Variants in TSPOAP1 observed in about 807,000 individuals in gnomAD.
TSPOAP1 encodes the protein peripheral-type benzodiazepine receptor-associated protein 1.
Under a neutral mutation model 197.0 loss-of-function variants are expected in TSPOAP1, and 87 were observed. That is an observed-to-expected ratio of 0.44 (90% confidence interval 0.37 to 0.53). The LOEUF (loss-of-function observed/expected upper bound fraction) is 0.53, where lower values mean the gene tolerates loss of function less well. Ranked by LOEUF, TSPOAP1 falls within the 20% of genes least tolerant of loss-of-function variation. The pLI, the probability that TSPOAP1 is intolerant of heterozygous loss-of-function variation, is 0.00. For synonymous variants in TSPOAP1, 913 were observed against 998.9 expected, an observed-to-expected ratio of 0.91 and a Z score of 1.62; for missense variants, 2,174 against 2,411.3, an observed-to-expected ratio of 0.90 and a Z score of 2.06.
At position 58,306,350 on chromosome 17, in the gene TSPOAP1, G is replaced by A. The variant is rs965629389; in HGVS notation, c.5216C>T (p.Ser1739Phe). ...TTGPPPKPRR[S>F]KKAESEGPAQ... Reference sequence around the variant, plus strand: ...AATGGGGTCTTACCCACCTTTCTTGGAGCGGCGGGGCTTGGGAGGAGGCCC... The same window carrying A: ...AATGGGGTCTTACCCACCTTTCTTGAAGCGGCGGGGCTTGGGAGGAGGCCC... The change falls in exon 26 of 32, where the codon TCC becomes TTC. Residue 1739 changes from serine (S) to phenylalanine (F), a missense_variant. By Grantham distance (155) the Ser-to-Phe change is radical. Coordinates refer to ENST00000343736, the MANE Select transcript of TSPOAP1 (RefSeq NM_004758.4). 4 of 1,553,804 alleles carry A rather than the reference G, an allele frequency of 2.6e-6. No individual in the cohort carries two copies. Among genetic ancestry groups the A allele is most frequent in the Non-Finnish European group, 3.5e-6 (4 of 1,147,994 alleles).
intron 15 of TSPOAP1, 101 bp from the exon 16 acceptor site, chr17:58,316,233 G>A (rs1037049404): frequency 1.7e-6 from 2 of 1,181,978 alleles, no homozygotes; most frequent in African/African-American, 1.5e-5. Context: ...ACGGAGACTT[G>A]GTTGTGGTTG....
Position 58,312,529 on chromosome 17 carries a change from C to T in TSPOAP1, c.2292G>A (p.Gln764=), listed in dbSNP as rs187237816. 17 of 1,602,672 alleles carry T rather than the reference C, an allele frequency of 1.1e-5. No homozygotes were observed. In the Admixed American group the frequency reaches 2.9e-4, roughly 27 times the overall value. The change falls in exon 17 of 32, where the codon CAG becomes CAA. Residue 764 remains glutamine (Q), a synonymous_variant. Transcript: ENST00000343736. Reference sequence around the variant, plus strand: ...CTGCATCCTCCTCCTCAGGTCTGGGCTGGCTCCTTCCCACACTGCTTTGGC... The same window carrying T: ...CTGCATCCTCCTCCTCAGGTCTGGGTTGGCTCCTTCCCACACTGCTTTGGC... ...SGGQSSVGRS[Q]PRPEEEDAGD... is the part of the protein sequence containing the mutation.
chr17:58,319,131 C>T lies in TSPOAP1; in HGVS notation c.1658G>A (p.Cys553Tyr). Residue 553 changes from cysteine to tyrosine, a missense_variant, in exon 13 of 32, where the codon TGC (cysteine) becomes TAC (tyrosine). Transcript: ENST00000343736. ...SLGDCPPPPC[C>Y]CSIPQPCRGS... Reference sequence around the variant, plus strand: ...CCGGCAAGGCTGGGGAATGGAGCAGCAGCAGGGGGGTGGTGGGCAGTCTCC... The same window carrying T: ...CCGGCAAGGCTGGGGAATGGAGCAGTAGCAGGGGGGTGGTGGGCAGTCTCC... The T allele has an allele frequency of 6.5e-7, 1 of 1,548,480 alleles. No individual in the cohort carries two copies. The highest frequency in any genetic ancestry group is 8.7e-7 in the Non-Finnish European group (1 of 1,143,676).
intron 16 of TSPOAP1, among the ~76,000 whole-genome samples, chr17:58,312,960 C>T (rs955451773): frequency 6.6e-6 from 1 of 152,192 alleles, no homozygotes; most frequent in Admixed American, 6.5e-5. Context: ...TTTTAACTTG[C>T]ATATGAATCA....
In TSPOAP1 at chr17:58,302,127, C is replaced by T. The variant is rs1970736327; in HGVS notation, c.*353G>A. On this transcript the variant is annotated 3_prime_UTR_variant, in exon 32 of 32. Transcript: ENST00000343736. ...CATTTAGCTCTGACCTTCACCAAGG[C>T]TCTTTGATTCCCTCTGAATGCCACA... The T allele has an allele frequency of 2.7e-6, 2 of 741,824 alleles. No individual in the cohort carries two copies. The highest frequency in any genetic ancestry group is 6.9e-5 in the East Asian group (1 of 14,402). The allele number at this position is 741,824 out of a possible 1,614,324, so 46.0% of individuals were successfully genotyped here.
chr17:58,307,426 G>A, intron 24 of TSPOAP1, 185 bp downstream of exon 24: 1 of 731,658 alleles, frequency 1.4e-6, no homozygotes, highest in Non-Finnish European at 2.2e-6. Context: ...AGGCCCAGGG[G>A]GCCTAGGTAA....
rs369666419 is a variant in TSPOAP1 at position 58,323,455 on chromosome 17, A to T, written c.1020+13T>A. On this transcript the variant is annotated intron_variant, in intron 6 of 31. Transcript: ENST00000343736. ...CACAGCAGGCTGCCTCCAGCCCTTGACCTAGGACTTACCAGCTGCTGCACC... is the reference window on the plus strand; with the variant it reads ...CACAGCAGGCTGCCTCCAGCCCTTGTCCTAGGACTTACCAGCTGCTGCACC... The T allele has an allele frequency of 5.0e-6, 8 of 1,614,062 alleles. No individual in the cohort carries two copies. The African/African-American group carries it at 1.1e-4, about 22-fold the overall frequency.
At position 58,326,416 on chromosome 17, in the gene TSPOAP1, C is replaced by T. The variant is rs1971608805; in HGVS notation, c.447G>A (p.Lys149=). 2 of 1,613,458 alleles carry T rather than the reference C, an allele frequency of 1.2e-6. No individual in the cohort carries two copies. The highest frequency in any genetic ancestry group is 1.7e-5 in the Admixed American group (1 of 59,992). The change falls in exon 3 of 32, where the codon AAG becomes AAA. Residue 149 remains lysine, a synonymous_variant. Coordinates refer to ENST00000343736, the MANE Select transcript of TSPOAP1 (RefSeq NM_004758.4). This position sits in a 1 kb window ranked among gnomAD's most constrained non-coding sequence, Gnocchi z 4.7. ...ILKEENQMLR[K]SSFPETEEKV... is the part of the protein sequence containing the mutation. ...TCTCTTCTGTCTCAGGGAAGCTGCT[C>T]TTCCTCTGACAAGGGGTCAGGCAGA...
Position 58,324,981 on chromosome 17 carries a change from C to A in TSPOAP1, c.772G>T (p.Val258Leu). 6.5e-7 allele frequency: 1 copy of A among 1,537,038 alleles called. No individual in the cohort carries two copies. Residue 258 changes from valine (V) to leucine (L), a missense_variant, in exon 5 of 32, where the codon GTG becomes TTG. Physicochemically the swap from Val to Leu is conservative, Grantham distance 32 (BLOSUM62 1). This residue lies in a region of TSPOAP1 where 1,933 missense variants were observed against 2,139.0 expected (regional missense o/e 0.90). Transcript: ENST00000343736. This position sits in a 1 kb window ranked among gnomAD's most constrained non-coding sequence, Gnocchi z 5.8. ...VGKEGPQWLH[V>L]RDFDRLLRES... is the part of the protein sequence containing the mutation. ...CGCAGCAGCCGATCGAAGTCCCGCA[C>A]GTGGAGCCACTGGGGACCCTCCTGA...
chr17:58,319,753 G>C lies in TSPOAP1; in HGVS notation c.1494+356C>G, dbSNP rs572058759. Among the ~76,000 whole-genome samples, 94 of 152,366 alleles carry C rather than the reference G, an allele frequency of 6.2e-4. 3 individuals carry two copies. The South Asian group carries it at 0.017, about 27-fold the overall frequency. On this transcript the variant is annotated intron_variant, in intron 12 of 31. Coordinates refer to ENST00000343736, the MANE Select transcript of TSPOAP1 (RefSeq NM_004758.4). ...CCACAGGGGAGCCAGGGATGTCTTC[G>C]TGATGGGAATGGGCCAATGCCCGGG...
At chr17:58,307,966 C>T (rs1342879832) in intron 22 of TSPOAP1, 25 bp from the exon 23 acceptor site, 1 of 1,590,400 alleles carries the variant, frequency 6.3e-7, no homozygotes, top group Admixed American at 1.7e-5. Context: ...CAACAGATGG[C>T]AAAAGTAACA....
intron 11 of TSPOAP1, 144 bp downstream of exon 11, chr17:58,320,387 G>C: frequency 7.5e-6 from 8 of 1,072,990 alleles, no homozygotes; most frequent in Non-Finnish European, 9.2e-6. Flanking sequence ...CAGTGGTGGA[G>C]GGGACTCCCC....
At chr17:58,320,609 G>C (rs1971376568) in intron 10 of TSPOAP1, 28 bp from the exon 11 acceptor site, 1 of 1,401,052 alleles carries the variant, frequency 7.1e-7, no homozygotes, top group Admixed American at 3.2e-5. Flanking sequence ...CAAAATACTG[G>C]AGGGAAGGAG....
At position 58,318,425 on chromosome 17, in the gene TSPOAP1, C is replaced by G; in HGVS notation, c.1727G>C (p.Gly576Ala). 6.2e-7 allele frequency: 1 copy of G among 1,613,634 alleles called. No homozygotes were observed. Among genetic ancestry groups the G allele is most frequent in the Non-Finnish European group, 8.5e-7 (1 of 1,179,884 alleles). The change falls in exon 14 of 32, where the codon GGG (glycine) becomes GCG (alanine). Residue 576 changes from glycine to alanine, a missense_variant. This residue lies in a region of TSPOAP1 where 1,933 missense variants were observed against 2,139.0 expected (regional missense o/e 0.90). Coordinates refer to ENST00000343736, the MANE Select transcript of TSPOAP1 (RefSeq NM_004758.4). ...CTCGGAAGACTTTGGGGTGCAGCGC[C>G]CAGGGGAGCCCGGCGGGAGGTCAAG... is the stretch of plus-strand genomic sequence containing the variant. Reference protein sequence around the residue: ...KDLDLPPGSPGRCTPKSSEPA... With the variant: ...KDLDLPPGSPARCTPKSSEPA...
At chr17:58,308,030 C>T in intron 22 of TSPOAP1, 89 bp from the exon 23 acceptor site, 1 of 1,278,672 alleles carries the variant, frequency 7.8e-7, no homozygotes, top group Non-Finnish European at 1.1e-6. Flanking sequence ...TCAGCGTAAG[C>T]AGCACAGCAG....
rs1971514760 is a variant in TSPOAP1, at chr17:58,324,613, G to C, written c.942+198C>G. On this transcript the variant is annotated intron_variant, in intron 5 of 31. Transcript: ENST00000343736. This position sits in a 1 kb window ranked among gnomAD's most constrained non-coding sequence, Gnocchi z 5.8. ...GGGCGGAACCCTGGAGCCCCCAGGGGAGGGCACGGCGCAGGTACGAGCACG... is the reference window on the plus strand; with the variant it reads ...GGGCGGAACCCTGGAGCCCCCAGGGCAGGGCACGGCGCAGGTACGAGCACG... Among the ~76,000 whole-genome samples the C allele has an allele frequency of 6.6e-6, 1 of 152,078 alleles. No homozygotes were observed. The highest frequency in any genetic ancestry group is 1.5e-5 in the Non-Finnish European group (1 of 67,956).
At chr17:58,305,920 G>A (rs1970875064) in intron 26 of TSPOAP1, 55 bp from the exon 27 acceptor site, 3 of 1,484,508 alleles carry the variant, frequency 2.0e-6, no homozygotes, top group African/African-American at 2.8e-5. Flanking sequence ...CCAGGCTGCA[G>A]GTGCTGCAGC....
chr17:58,327,445 G>T (rs538012134), intron 1 of TSPOAP1, 143 bp downstream of exon 1: 2 of 744,824 alleles, frequency 2.7e-6, no homozygotes, highest in Non-Finnish European at 4.4e-6. Context: ...AGGACAGATA[G>T]CCACAGAGAT....
chr17:58,308,256 C>T (rs924395165), intron 22 of TSPOAP1, among the ~76,000 whole-genome samples: 1 of 152,278 alleles, frequency 6.6e-6, no homozygotes, highest in Non-Finnish European at 1.5e-5. Context: ...GCATCACAGT[C>T]AGCGTCCTGA....
Sources: allele counts gnomAD v4.1 joint callset (sites outside exome capture counted in the v4.1 genomes callset), GRCh38; gene constraint gnomAD v4.1.1; regional missense constraint gnomAD v4.1.1; non-coding constraint Gnocchi (gnomAD v3.1); transcripts MANE v1.5; gene names NCBI Gene and HGNC (gene_info 2026-07-23, HGNC 2026-07-21).